CDH13: variants seen among roughly 807,000 people sequenced by gnomAD.
CDH13 encodes the protein cadherin-13.
A neutral mutation model predicts 63.8 loss-of-function variants in CDH13; 24 were observed. The observed-to-expected ratio is 0.38, with a 90% confidence interval of 0.27 to 0.53. The LOEUF (loss-of-function observed/expected upper bound fraction) is 0.53, where lower values mean the gene tolerates loss of function less well. CDH13 is among the 20% of genes least tolerant of loss of function. CDH13 has a pLI of 0.85. For synonymous variants in CDH13, 503 were observed against 355.3 expected (o/e 1.42, Z -4.67); for missense variants, 1,049 against 903.1 (o/e 1.16, Z -2.07).
intron 4 of CDH13, among the ~76,000 whole-genome samples, chr16:83,163,087 G>A (rs995357626): frequency 2.6e-5 from 4 of 152,016 alleles, no homozygotes; most frequent in Admixed American, 1.3e-4. Flanking sequence ...AAGATCTGAT[G>A]GTTATATAAA....
At chr16:82,859,184 C>G (rs1028907840) in intron 2 of CDH13, 2 of 152,188 alleles carry the variant, frequency 1.3e-5, no homozygotes, top group African/African-American at 4.8e-5. Flanking sequence ...TGGTGGTAGA[C>G]AAATAGCTAT....
chr16:82,739,513 G>C (rs1450412134), intron 1 of CDH13, among the ~76,000 whole-genome samples: 2 of 152,202 alleles, frequency 1.3e-5, no homozygotes, highest in Non-Finnish European at 1.5e-5. Context: ...ACAAAGGTAA[G>C]AATCATTTAA....
At chr16:83,652,363 G>A (rs1912461909) in intron 8 of CDH13, among the ~76,000 whole-genome samples, 2 of 152,212 alleles carry the variant, frequency 1.3e-5, no homozygotes, top group Admixed American at 6.5e-5. Flanking sequence ...AACCAAGTGT[G>A]TCAATCTCCC....
intron 1 of CDH13, among the ~76,000 whole-genome samples, chr16:82,724,231 C>A (rs949134800): frequency 4.6e-5 from 7 of 152,112 alleles, no homozygotes; most frequent in African/African-American, 1.7e-4. Flanking sequence ...TTTCATTAAT[C>A]CAGTCATCCT....
intron 6 of CDH13, among the ~76,000 whole-genome samples, chr16:83,352,967 A>T (rs1036846372): frequency 2.0e-5 from 3 of 152,230 alleles, no homozygotes; most frequent in Admixed American, 2.0e-4. Flanking sequence ...TGGTGAAATA[A>T]CTCAGAAAGT....
At chr16:83,791,234 C>T (rs566763463) in intron 13 of CDH13, among the ~76,000 whole-genome samples, 32 of 152,302 alleles carry the variant, frequency 2.1e-4, no homozygotes, top group African/African-American at 7.0e-4. Context: ...CGGTGGCTCA[C>T]GTCTGTAATC....
chr16:82,844,651 T>TTG (rs2039178257), intron 1 of CDH13: 2 of 145,708 alleles, frequency 1.4e-5, no homozygotes, highest in Non-Finnish European at 3.0e-5. Flanking sequence ...TTTTTTTTTT[T>TTG]TTTTTTGAGA....
At chr16:82,741,706 C>T (rs1484096101) in intron 1 of CDH13, among the ~76,000 whole-genome samples, 1 of 152,024 alleles carries the variant, frequency 6.6e-6, no homozygotes, top group Non-Finnish European at 1.5e-5. Context: ...TATGTTCAAC[C>T]TCGCCATTAA....
chr16:83,332,269 A>G (rs139080295), intron 5 of CDH13, among the ~76,000 whole-genome samples: 68 of 152,218 alleles, frequency 4.5e-4, no homozygotes, highest in African/African-American at 1.6e-3. Flanking sequence ...TTAGAGCTCT[A>G]ATGGTGGCTT....
At chr16:82,902,445 T>G (rs1053407139) in intron 2 of CDH13, among the ~76,000 whole-genome samples, 5 of 151,794 alleles carry the variant, frequency 3.3e-5, no homozygotes, top group African/African-American at 1.2e-4. Flanking sequence ...GATACATTGG[T>G]CTTTGACAAG....
intron 1 of CDH13, among the ~76,000 whole-genome samples, chr16:82,796,600 A>G (rs1307004374): frequency 6.6e-6 from 1 of 152,184 alleles, no homozygotes; most frequent in African/African-American, 2.4e-5. Flanking sequence ...TCCATTCATG[A>G]TACTTTGGCT....
At chr16:83,364,338 G>A (rs569715947) in intron 6 of CDH13, among the ~76,000 whole-genome samples, 49 of 152,246 alleles carry the variant, frequency 3.2e-4, no homozygotes, top group African/African-American at 1.1e-3. Flanking sequence ...GTAAGTGCCT[G>A]GCTTTGATGT....
intron 7 of CDH13, among the ~76,000 whole-genome samples, chr16:83,535,926 AGAAGGAAGGAAAG>A (rs1222510182): frequency 7.2e-6 from 1 of 138,846 alleles, no homozygotes; most frequent in Non-Finnish European, 1.6e-5. Flanking sequence ...AAAGAAGGAA[AGAAGGAAGGAAAG>A]GAAGGAAGGA....
intron 2 of CDH13, among the ~76,000 whole-genome samples, chr16:82,976,522 T>C (rs1948994817): frequency 6.6e-6 from 1 of 152,190 alleles, no homozygotes; most frequent in East Asian, 1.9e-4. Context: ...GTTGGTCATT[T>C]AGTCTGTCCC....
intron 4 of CDH13, among the ~76,000 whole-genome samples, chr16:83,210,280 G>C (rs757117178): frequency 6.6e-6 from 1 of 151,944 alleles, no homozygotes; most frequent in South Asian, 2.1e-4. Context: ...GGCCAAGCTG[G>C]TCTTGAACTC....
At chr16:83,718,045 G>C (rs1475773141) in intron 10 of CDH13, 1 of 152,242 alleles carries the variant, frequency 6.6e-6, no homozygotes, top group Non-Finnish European at 1.5e-5. Context: ...TCTTACTTTG[G>C]ACAGTCTTAC....
chr16:83,023,819 A>G (rs1597160707), intron 2 of CDH13, among the ~76,000 whole-genome samples: 1 of 152,162 alleles, frequency 6.6e-6, no homozygotes, highest in East Asian at 1.9e-4. Context: ...AATTTAGGAT[A>G]TGATTATAAT....
chr16:82,667,492 C>T (rs1028305199), intron 1 of CDH13, among the ~76,000 whole-genome samples: 5 of 152,172 alleles, frequency 3.3e-5, no homozygotes, highest in African/African-American at 1.2e-4. Context: ...GCTCAAGGGG[C>T]GTTCCTTTCC....
chr16:83,164,395 T>C (rs1327831878), intron 4 of CDH13, among the ~76,000 whole-genome samples: 2 of 151,930 alleles, frequency 1.3e-5, no homozygotes, highest in Non-Finnish European at 2.9e-5. Context: ...TCCACGTCCC[T>C]CTGACTCTTG....
Sources: gnomAD v4.1 joint callset for allele counts (sites outside exome capture counted in the v4.1 genomes callset) on GRCh38, gnomAD v4.1.1 for gene constraint, MANE v1.5 for transcripts, NCBI Gene and HGNC (gene_info 2026-07-23, HGNC 2026-07-21) for gene names.